Variants in PDS5A observed in about 807,000 individuals in gnomAD.
PDS5A encodes the protein PDS5 cohesin associated factor A.
Under a neutral mutation model 167.1 loss-of-function variants are expected in PDS5A, and 42 were observed. The observed-to-expected ratio is 0.25, with a 90% CI of 0.20 to 0.33. The LOEUF is 0.33. Among genes scored for constraint, PDS5A ranks in the 10% least tolerant of loss-of-function variants. The pLI is 1.00. For missense variants in PDS5A, 1,033 were observed against 1,605.9 expected, an observed-to-expected ratio of 0.64 and a Z score of 6.10; for synonymous variants, 553 against 554.6, an observed-to-expected ratio of 1.00 and a Z score of 0.04.
chr4:39,938,596 A>T (rs1578783453), intron 2 of PDS5A, among the ~76,000 whole-genome samples: 2 of 152,274 alleles, frequency 1.3e-5, no homozygotes, highest in African/African-American at 2.4e-5. Context: ...TTATTTTAAC[A>T]ACAGCAATGT....
At chr4:39,886,791 A>C (rs540892079) in intron 17 of PDS5A, among the ~76,000 whole-genome samples, 1 of 151,978 alleles carries the variant, frequency 6.6e-6, no homozygotes, top group East Asian at 1.9e-4. Flanking sequence ...TGTTTCCGTT[A>C]ATTTCCTCCA....
At chr4:39,970,027 C>T (rs1300453315) in intron 2 of PDS5A, among the ~76,000 whole-genome samples, 2 of 149,888 alleles carry the variant, frequency 1.3e-5, no homozygotes, top group African/African-American at 4.9e-5. Flanking sequence ...GATGTGATCT[C>T]GGCTCCAAGA....
At chr4:39,850,204 A>G (rs374633305) in intron 26 of PDS5A, among the ~76,000 whole-genome samples, 6 of 151,712 alleles carry the variant, frequency 4.0e-5, no homozygotes, top group African/African-American at 1.5e-4. Flanking sequence ...CCCAGGAGGC[A>G]GAGCTTACAG....
Position 39,977,664 on chromosome 4 carries a change from C to T in PDS5A, c.-248G>A, listed in dbSNP as rs1037873268. ...GGGGGAGACGCGGGGCGAGTGAGCGCTGGGCGGGGAGACAGTGCCGCTCTC... is the reference window on the plus strand; with the variant it reads ...GGGGGAGACGCGGGGCGAGTGAGCGTTGGGCGGGGAGACAGTGCCGCTCTC... On this transcript the variant is annotated 5_prime_UTR_variant, in exon 1 of 33. Coordinates refer to ENST00000303538, the MANE Select transcript of PDS5A (RefSeq NM_001100399.2). The surrounding 1 kb of genome is among the most constrained non-coding windows in gnomAD (Gnocchi z 4.2). 4.6e-5 allele frequency: 7 copies of T among 151,596 alleles called. No individual in the cohort carries two copies. Among genetic ancestry groups the T allele is most frequent in the African/African-American group, 7.3e-5 (3 of 41,184 alleles). 9.4% of individuals were successfully genotyped at this position (151,596 alleles called of 1,614,324 possible).
At chr4:39,855,870 T>C (rs1237137482) in intron 26 of PDS5A, among the ~76,000 whole-genome samples, 1 of 152,062 alleles carries the variant, frequency 6.6e-6, no homozygotes, top group African/African-American at 2.4e-5. Context: ...ACATTAGACA[T>C]CATGGAATTT....
At chr4:39,912,826 A>G (rs1468422248) in intron 9 of PDS5A, among the ~76,000 whole-genome samples, 1 of 152,224 alleles carries the variant, frequency 6.6e-6, no homozygotes, top group Non-Finnish European at 1.5e-5. Context: ...CTTGAGAAGA[A>G]ACATTAAAAA....
intron 2 of PDS5A, among the ~76,000 whole-genome samples, chr4:39,934,882 T>C (rs1726442499): frequency 6.6e-6 from 1 of 152,138 alleles, no homozygotes; most frequent in South Asian, 2.1e-4. Context: ...TCTTTTCTTT[T>C]TTCCTTATGT....
chr4:39,828,897 A>T (rs1715559011), intron 32 of PDS5A, among the ~76,000 whole-genome samples: 1 of 152,210 alleles, frequency 6.6e-6, no homozygotes, highest in South Asian at 2.1e-4. Flanking sequence ...GTGGAGAATC[A>T]TGCAAGGAAA....
intron 21 of PDS5A, among the ~76,000 whole-genome samples, chr4:39,871,273 T>TA (rs1720002235): frequency 6.6e-6 from 1 of 152,180 alleles, no homozygotes; most frequent in African/African-American, 2.4e-5. Flanking sequence ...ATAGCAAATT[T>TA]GATACTATGT....
At chr4:39,934,890 T>C (rs1037058944) in intron 2 of PDS5A, among the ~76,000 whole-genome samples, 2 of 152,256 alleles carry the variant, frequency 1.3e-5, no homozygotes, top group Non-Finnish European at 2.9e-5. Context: ...TTTTTCCTTA[T>C]GTGTTTTCAG....
chr4:39,927,409 A>G (rs1039015738), intron 3 of PDS5A, among the ~76,000 whole-genome samples: 2 of 152,210 alleles, frequency 1.3e-5, no homozygotes, highest in African/African-American at 4.8e-5. Flanking sequence ...TATCAATATA[A>G]TACAAAATGA....
intron 22 of PDS5A, chr4:39,868,522 T>C (rs1161049323): frequency 2.8e-6 from 1 of 356,038 alleles, no homozygotes; most frequent in Non-Finnish European, 5.5e-6. Context: ...AGACAAGGGG[T>C]TTCACCATGT....
At position 39,825,186 on chromosome 4, in the gene PDS5A, T is replaced by C; in HGVS notation, c.*299A>G. The C allele has an allele frequency of 3.3e-6, 1 of 304,094 alleles. No homozygotes were observed. Among genetic ancestry groups the C allele is most frequent in the Non-Finnish European group, 6.0e-6 (1 of 166,154 alleles). 18.8% of individuals were successfully genotyped at this position (304,094 alleles called of 1,614,324 possible). A position where few individuals can be genotyped will look rare whatever the true frequency, so the allele number is the denominator to read the frequency against. On this transcript the variant is annotated 3_prime_UTR_variant, in exon 33 of 33. Transcript: ENST00000303538. ...ATTTAAACTCCAGATAGGCAGGAAC[T>C]GGAACCAAGTGTTAAGCAATTTGCT...
chr4:39,976,533 G>A lies in PDS5A; in HGVS notation c.45C>T (p.Gly15=), dbSNP rs751431617. The change falls in exon 2 of 33, where the codon GGC becomes GGT. Residue 15 remains glycine, a synonymous_variant. Transcript: ENST00000303538. The part of the protein sequence containing the change: ...AQPKPATALC[G]VVSADGKIAY... ...CGATCTTCCCGTCGGCACTCACGAC[G>A]CCACAGAGGGCAGTGGCAGGCTTGG... 7.4e-6 allele frequency: 12 copies of A among 1,613,232 alleles called. No homozygotes were observed. The highest frequency in any genetic ancestry group is 3.3e-4 in the Middle Eastern group (2 of 6,084).
intron 2 of PDS5A, among the ~76,000 whole-genome samples, chr4:39,943,238 G>A (rs1345419192): frequency 1.3e-5 from 2 of 150,182 alleles, no homozygotes; most frequent in East Asian, 3.9e-4. Flanking sequence ...AGACAACAAA[G>A]CATCAAAATA....
At chr4:39,915,980 A>G (rs1205523061) in intron 8 of PDS5A, among the ~76,000 whole-genome samples, 1 of 152,148 alleles carries the variant, frequency 6.6e-6, no homozygotes, top group East Asian at 1.9e-4. Flanking sequence ...CATGCCTGTA[A>G]TCTCAGTAAT....
chr4:39,909,924 A>T (rs1208794189), intron 10 of PDS5A: 1 of 188,068 alleles, frequency 5.3e-6, no homozygotes, highest in Non-Finnish European at 1.1e-5. Flanking sequence ...GATTTTCAAA[A>T]AATTTCAAAG....
chr4:39,825,383 G>T lies in PDS5A; in HGVS notation c.*102C>A. ...AGGCAGAGAGTGTGTGTTCTGAAGT[G>T]AGCTTCATTTTCTGTTCAGGGACAT... On this transcript the variant is annotated 3_prime_UTR_variant, in exon 33 of 33. Coordinates refer to ENST00000303538, the MANE Select transcript of PDS5A (RefSeq NM_001100399.2). 1 of 911,668 alleles carries T rather than the reference G, an allele frequency of 1.1e-6. No homozygotes were observed. Among genetic ancestry groups the T allele is most frequent in the South Asian group, 1.6e-5 (1 of 64,372 alleles). 56.5% of individuals were successfully genotyped at this position (911,668 alleles called of 1,614,324 possible).
At chr4:39,830,408 C>T (rs567642024) in intron 32 of PDS5A, among the ~76,000 whole-genome samples, 2 of 152,116 alleles carry the variant, frequency 1.3e-5, no homozygotes, top group African/African-American at 4.8e-5. Context: ...TACCAAATAA[C>T]ATTTGAACTA....
Sources: gnomAD v4.1 joint callset for allele counts (sites outside exome capture counted in the v4.1 genomes callset) on GRCh38, gnomAD v4.1.1 for gene constraint, Gnocchi (gnomAD v3.1) non-coding constraint, MANE v1.5 for transcripts, NCBI Gene and HGNC (gene_info 2026-07-23, HGNC 2026-07-21) for gene names.